Variants in SDK1 observed in about 807,000 individuals in gnomAD.
The protein encoded by SDK1 is sidekick cell adhesion molecule 1, also known as protein sidekick-1.
Under a neutral mutation model 245.5 loss-of-function variants are expected in SDK1, and 157 were observed. The observed-to-expected ratio is 0.64, with a 90% CI of 0.56 to 0.73. SDK1 has a LOEUF of 0.73. Ranked by LOEUF, SDK1 falls within the 30% of genes least tolerant of loss-of-function variation. The probability of loss-of-function intolerance (pLI) is 0.00; values close to 1 mark genes in which losing one functional copy is unlikely to be tolerated. For missense variants in SDK1, 3,583 were observed against 3,002.3 expected, an observed-to-expected ratio of 1.19 and a Z score of -4.52; for synonymous variants, 1,647 against 1,278.5, an observed-to-expected ratio of 1.29 and a Z score of -6.15.
intron 4 of SDK1, among the ~76,000 whole-genome samples, chr7:3,758,701 G>T (rs1018215655): frequency 1.3e-5 from 2 of 152,096 alleles, no homozygotes; most frequent in Admixed American, 1.3e-4. Context: ...CCCAGAGTCA[G>T]CCATTTCTTT....
chr7:4,255,104 C>T (rs1019587036), intron 44 of SDK1, among the ~76,000 whole-genome samples: 2 of 152,242 alleles, frequency 1.3e-5, no homozygotes, highest in African/African-American at 4.8e-5. Context: ...TGCTCTGACA[C>T]TAAGAGGCCT....
At chr7:3,406,563 T>C (rs1463110375) in intron 1 of SDK1, among the ~76,000 whole-genome samples, 2 of 152,210 alleles carry the variant, frequency 1.3e-5, no homozygotes, top group African/African-American at 2.4e-5. Context: ...TGGTTAGTTA[T>C]TCTATAGATC....
At chr7:3,327,263 A>G (rs1174648932) in intron 1 of SDK1, among the ~76,000 whole-genome samples, 2 of 152,150 alleles carry the variant, frequency 1.3e-5, no homozygotes, top group Non-Finnish European at 2.9e-5. Context: ...GAAGACAGAA[A>G]TTTGAGGGAA....
chr7:3,508,495 T>C (rs1266115671), intron 1 of SDK1, among the ~76,000 whole-genome samples: 1 of 151,886 alleles, frequency 6.6e-6, no homozygotes, highest in Non-Finnish European at 1.5e-5. Flanking sequence ...GCCTGACTAA[T>C]TGTTGTATTT....
chr7:3,448,303 G>T (rs961094990), intron 1 of SDK1, among the ~76,000 whole-genome samples: 1 of 151,998 alleles, frequency 6.6e-6, no homozygotes, highest in Non-Finnish European at 1.5e-5. Flanking sequence ...TTTCAGTTTT[G>T]TCTTGTGTGA....
At chr7:3,817,607 G>A (rs1198568907) in intron 4 of SDK1, among the ~76,000 whole-genome samples, 1 of 152,120 alleles carries the variant, frequency 6.6e-6, no homozygotes, top group Non-Finnish European at 1.5e-5. Context: ...AGCTGATCTG[G>A]TGTGGTCTGG....
chr7:3,486,359 A>G (rs1781694401), intron 1 of SDK1, among the ~76,000 whole-genome samples: 2 of 151,990 alleles, frequency 1.3e-5, no homozygotes, highest in South Asian at 4.2e-4. Context: ...GGTCATTTCA[A>G]AGAACCTGGG....
chr7:3,961,066 G>A (rs1176129086), intron 8 of SDK1, among the ~76,000 whole-genome samples: 3 of 152,088 alleles, frequency 2.0e-5, no homozygotes, highest in South Asian at 2.1e-4. Flanking sequence ...TTTTTTGCAC[G>A]ACTTCTGCAG....
chr7:3,416,316 A>G (rs1184373657), intron 1 of SDK1, among the ~76,000 whole-genome samples: 1 of 152,080 alleles, frequency 6.6e-6, no homozygotes, highest in Non-Finnish European at 1.5e-5. Flanking sequence ...TTGTGTTCAG[A>G]TAGTGGAGAA....
chr7:3,522,910 G>C (rs1044578795), intron 1 of SDK1, among the ~76,000 whole-genome samples: 1 of 34,478 alleles, frequency 2.9e-5, no homozygotes, highest in African/African-American at 1.3e-4. Context: ...TAAATTCAAA[G>C]TAGCATTTTA....
chr7:3,346,639 C>T (rs1780504795), intron 1 of SDK1, among the ~76,000 whole-genome samples: 1 of 144,862 alleles, frequency 6.9e-6, no homozygotes, highest in East Asian at 2.0e-4. Flanking sequence ...TAGCCTTCTG[C>T]ACCCCCACAC....
chr7:3,953,806 T>G (rs941395534), intron 7 of SDK1, among the ~76,000 whole-genome samples: 1 of 152,252 alleles, frequency 6.6e-6, no homozygotes, highest in Non-Finnish European at 1.5e-5. Context: ...ACAAACACAC[T>G]TCACTTCTTT....
At chr7:4,111,417 T>C (rs1783336040) in intron 23 of SDK1, among the ~76,000 whole-genome samples, 1 of 152,146 alleles carries the variant, frequency 6.6e-6, no homozygotes, top group Non-Finnish European at 1.5e-5. Context: ...GATGGAACAT[T>C]TCATACGATT....
At chr7:4,261,904 G>T (rs966944647) in intron 44 of SDK1, among the ~76,000 whole-genome samples, 1 of 151,858 alleles carries the variant, frequency 6.6e-6, no homozygotes, top group Admixed American at 6.6e-5. Flanking sequence ...GGACGCACAG[G>T]TGAGGGTCCC....
chr7:3,455,858 C>T (rs1393559298), intron 1 of SDK1, among the ~76,000 whole-genome samples: 1 of 152,172 alleles, frequency 6.6e-6, no homozygotes, highest in African/African-American at 2.4e-5. Context: ...GCCAATAGAT[C>T]AATTTGGCGA....
At chr7:3,505,788 A>G (rs532982341) in intron 1 of SDK1, among the ~76,000 whole-genome samples, 120 of 152,180 alleles carry the variant, frequency 7.9e-4, no homozygotes, top group Non-Finnish European at 1.3e-3. Context: ...CCTTTTGAGT[A>G]TGCACATTCT....
At chr7:3,838,517 T>C (rs1271650566) in intron 5 of SDK1, among the ~76,000 whole-genome samples, 2 of 152,230 alleles carry the variant, frequency 1.3e-5, no homozygotes, top group Non-Finnish European at 2.9e-5. Flanking sequence ...TGCCTCTCTG[T>C]TCACAGACTT....
At chr7:3,925,218 G>T (rs1779727844) in intron 5 of SDK1, among the ~76,000 whole-genome samples, 1 of 150,020 alleles carries the variant, frequency 6.7e-6, no homozygotes, top group South Asian at 2.1e-4. Flanking sequence ...ACTCTAAGGA[G>T]ACTGAACAGG....
chr7:4,242,689 C>T (rs778837728), intron 43 of SDK1, among the ~76,000 whole-genome samples: 163 of 152,238 alleles, frequency 1.1e-3, no homozygotes, highest in Non-Finnish European at 1.7e-3. Context: ...TTCTCTCCCT[C>T]AGCCAGACTC....
Sources: gnomAD v4.1 joint callset for allele counts (sites outside exome capture counted in the v4.1 genomes callset) on GRCh38, gnomAD v4.1.1 for gene constraint, MANE v1.5 for transcripts, NCBI Gene and HGNC (gene_info 2026-07-23, HGNC 2026-07-21) for gene names.